Variants in ERP44 observed in about 807,000 individuals in gnomAD.
ERP44 encodes the protein endoplasmic reticulum resident protein 44.
Under a neutral mutation model 53.4 loss-of-function variants are expected in ERP44, and 25 were observed. The ratio of observed to expected loss-of-function variants is 0.47; its 90% CI spans 0.34 to 0.65. The LOEUF (loss-of-function observed/expected upper bound fraction) is 0.65. ERP44 is among the 30% of genes least tolerant of loss of function. The pLI is 0.01. For synonymous variants in ERP44, 145 were observed against 161.2 expected, an observed-to-expected ratio of 0.90 and a Z score of 0.76; for missense variants, 338 against 493.2, an observed-to-expected ratio of 0.69 and a Z score of 2.98.
At chr9:100,067,339 C>G (rs7027424) in intron 1 of ERP44, among the ~76,000 whole-genome samples, 3 of 151,668 alleles carry the variant, frequency 2.0e-5, no homozygotes, top group Admixed American at 6.5e-5. Flanking sequence ...TGCAGGCGCG[C>G]GCCGCCGCGC....
chr9:100,092,680 G>T (rs1440642062), intron 1 of ERP44, among the ~76,000 whole-genome samples: 4 of 151,978 alleles, frequency 2.6e-5, no homozygotes, highest in Admixed American at 2.6e-4. Context: ...GCCATTTTTT[G>T]AAAAGAAGAC....
At position 99,981,439 on chromosome 9, in the gene ERP44, T is replaced by C. The variant is rs953284182; in HGVS notation, c.*1173A>G. On this transcript the variant is annotated 3_prime_UTR_variant, in exon 12 of 12. Coordinates refer to ENST00000262455, the MANE Select transcript of ERP44 (RefSeq NM_015051.3). ...AATCTTTTCCCAAACTGGGATTGAT[T>C]TATACCCAAGTATAAAATGACCCTT... 3.9e-5 allele frequency: 6 copies of C among 152,632 alleles called. No homozygotes were observed. Among genetic ancestry groups the C allele is most frequent in the African/African-American group, 9.7e-5 (4 of 41,442 alleles). 9.5% of individuals were successfully genotyped at this position (152,632 alleles called of 1,614,324 possible).
intron 1 of ERP44, among the ~76,000 whole-genome samples, chr9:100,080,135 C>T (rs1473922897): frequency 6.6e-6 from 1 of 152,022 alleles, no homozygotes; most frequent in East Asian, 1.9e-4. Flanking sequence ...AAAGATGAAG[C>T]GAGCCCTAGT....
chr9:100,080,150 C>G (rs1168922967), intron 1 of ERP44, among the ~76,000 whole-genome samples: 4 of 152,050 alleles, frequency 2.6e-5, no homozygotes, highest in Non-Finnish European at 5.9e-5. Context: ...CCTAGTTTAC[C>G]TACTTTTAGA....
intron 1 of ERP44, among the ~76,000 whole-genome samples, chr9:100,070,855 C>A (rs145958543): frequency 6.6e-6 from 1 of 151,992 alleles, no homozygotes; most frequent in Non-Finnish European, 1.5e-5. Context: ...TGGCCTCCCC[C>A]CAGAAGTAGA....
At chr9:100,082,385 A>G (rs1826436354) in intron 1 of ERP44, among the ~76,000 whole-genome samples, 1 of 75,466 alleles carries the variant, frequency 1.3e-5, no homozygotes, top group Non-Finnish European at 2.2e-5. Context: ...AATATAAAAA[A>G]TAATATATAT....
At chr9:100,065,211 C>A (rs529703696) in intron 1 of ERP44, among the ~76,000 whole-genome samples, 1 of 152,076 alleles carries the variant, frequency 6.6e-6, no homozygotes, top group Admixed American at 6.5e-5. Context: ...GTCTTTTCTA[C>A]GTTTAGATAC....
intron 1 of ERP44, among the ~76,000 whole-genome samples, chr9:100,077,371 C>T (rs776921545): frequency 6.6e-5 from 10 of 152,210 alleles, no homozygotes; most frequent in Non-Finnish European, 1.2e-4. Context: ...ACGATGGAAT[C>T]GCCTTTTGAA....
At chr9:100,003,445 T>G (rs1000151516) in intron 10 of ERP44, among the ~76,000 whole-genome samples, 3 of 152,234 alleles carry the variant, frequency 2.0e-5, no homozygotes, top group African/African-American at 7.2e-5. Flanking sequence ...ACTGGCTTTG[T>G]CTGGGAAAGC....
At chr9:99,998,987 C>T in intron 10 of ERP44, 1 of 1,332,254 alleles carries the variant, frequency 7.5e-7, no homozygotes, top group Non-Finnish European at 1.1e-6. Context: ...AGGTCGGCGG[C>T]AAAGAACTGG....
At chr9:99,986,852 G>A (rs987027475) in intron 10 of ERP44, among the ~76,000 whole-genome samples, 1 of 152,192 alleles carries the variant, frequency 6.6e-6, no homozygotes, top group Non-Finnish European at 1.5e-5. Context: ...ATTGAGAGGA[G>A]ATCAATTTAA....
At chr9:100,055,674 T>G (rs1826081222) in intron 3 of ERP44, among the ~76,000 whole-genome samples, 1 of 152,194 alleles carries the variant, frequency 6.6e-6, no homozygotes, top group South Asian at 2.1e-4. Flanking sequence ...CCCAGCCATG[T>G]GATTATCCTA....
At chr9:100,052,295 A>T in intron 4 of ERP44, 122 bp downstream of exon 4, 2 of 466,008 alleles carry the variant, frequency 4.3e-6, no homozygotes, top group Non-Finnish European at 7.4e-6. Context: ...ACTTAAAAGC[A>T]GAGCATTTAA....
chr9:100,024,152 T>TCAACAACAACAACAA (rs35674225), intron 4 of ERP44, among the ~76,000 whole-genome samples: 2 of 149,446 alleles, frequency 1.3e-5, no homozygotes, highest in East Asian at 2.0e-4. Flanking sequence ...AAACCCTGAC[T>TCAACAACAACAACAA]CAACAACAAC....
rs970534010 is a variant in ERP44 at position 99,980,177 on chromosome 9, CTTTAT to C, written c.*2430_*2434del. 3.8e-5 allele frequency: 15 copies of C among 397,452 alleles called. No individual in the cohort carries two copies. The highest frequency in any genetic ancestry group is 2.9e-4 in the African/African-American group (14 of 48,706). The allele number at this position is 397,452 out of a possible 1,614,324, so 24.6% of individuals were successfully genotyped here. A position where few individuals can be genotyped will look rare whatever the true frequency, so the allele number is the denominator to read the frequency against. On this transcript the variant is annotated 3_prime_UTR_variant, in exon 12 of 12. Transcript: ENST00000262455. ...AGTGCTCCTTTATGCCCTCTTTAACCTTTATTTTGTCTTTACATCTATAACACGTT... is the reference window on the plus strand; with the variant it reads ...AGTGCTCCTTTATGCCCTCTTTAACCTTTGTCTTTACATCTATAACACGTT...
intron 4 of ERP44, among the ~76,000 whole-genome samples, chr9:100,039,496 A>C (rs1825880273): frequency 1.3e-5 from 2 of 152,156 alleles, no homozygotes; most frequent in African/African-American, 4.8e-5. Flanking sequence ...AATAATGGAA[A>C]TACAACATAC....
intron 4 of ERP44, among the ~76,000 whole-genome samples, chr9:100,048,335 TA>T (rs951394466): frequency 6.6e-6 from 1 of 151,590 alleles, no homozygotes; most frequent in Admixed American, 6.6e-5. Context: ...TAATAAAATT[TA>T]AAAAAAATAA....
intron 1 of ERP44, among the ~76,000 whole-genome samples, chr9:100,088,995 C>A (rs1429192132): frequency 1.3e-5 from 2 of 152,072 alleles, no homozygotes; most frequent in Non-Finnish European, 2.9e-5. Flanking sequence ...TACATTAGTC[C>A]CCTTTATCCA....
At chr9:100,072,012 A>C (rs1358356903) in intron 1 of ERP44, among the ~76,000 whole-genome samples, 1 of 152,232 alleles carries the variant, frequency 6.6e-6, no homozygotes, top group Non-Finnish European at 1.5e-5. Flanking sequence ...AGTCCTTGAG[A>C]GGCCATATAC....
Sources: allele counts gnomAD v4.1 joint callset (sites outside exome capture counted in the v4.1 genomes callset), GRCh38; gene constraint gnomAD v4.1.1; transcripts MANE v1.5; gene names NCBI Gene and HGNC (gene_info 2026-07-23, HGNC 2026-07-21).